COL4A5: variants seen among roughly 807,000 people sequenced by gnomAD.
COL4A5 encodes collagen alpha-5(IV) chain.
A neutral mutation model predicts 130.2 loss-of-function variants in COL4A5; 26 were observed. That is an observed-to-expected ratio of 0.20 (90% CI 0.15 to 0.28). COL4A5 has a LOEUF of 0.28. Among genes scored for constraint, COL4A5 ranks in the 10% least tolerant of loss-of-function variants. COL4A5 has a pLI of 1.00. For synonymous variants in COL4A5, 496 were observed against 439.6 expected, an observed-to-expected ratio of 1.13 and a Z score of -1.60; for missense variants, 1,131 against 1,344.3, an observed-to-expected ratio of 0.84 and a Z score of 2.48.
At chrX:108,533,871 G>T (rs966332588) in intron 1 of COL4A5, among the ~76,000 whole-genome samples, 1 of 110,557 alleles carries the variant, frequency 9.0e-6, no homozygotes, top group Non-Finnish European at 1.9e-5. Flanking sequence ...AATTAATCCC[G>T]TTTAAAGTAA....
chrX:108,629,274 C>T (rs780771869), intron 36 of COL4A5, among the ~76,000 whole-genome samples: 68 of 111,400 alleles, frequency 6.1e-4, no homozygotes, highest in Non-Finnish European at 1.1e-3. Context: ...CTGAGTGAAT[C>T]GGGGAGCAAA....
intron 22 of COL4A5, among the ~76,000 whole-genome samples, chrX:108,596,314 C>CTTGTAATAA (rs2066516330): frequency 8.9e-6 from 1 of 112,112 alleles, no homozygotes; most frequent in Non-Finnish European, 1.9e-5. Flanking sequence ...AGCCTTGTAC[C>CTTGTAATAA]TCTAGTCTCA....
intron 30 of COL4A5, among the ~76,000 whole-genome samples, chrX:108,617,215 AC>A (rs2066945641): frequency 9.0e-6 from 1 of 111,607 alleles, no homozygotes; most frequent in South Asian, 3.7e-4. Flanking sequence ...CATTTAAAAA[AC>A]ATCCTGATTT....
At chrX:108,498,568 TG>T (rs912621975) in intron 1 of COL4A5, among the ~76,000 whole-genome samples, 2 of 111,681 alleles carry the variant, frequency 1.8e-5, no homozygotes, top group African/African-American at 6.5e-5. Flanking sequence ...AGTGAATCTA[TG>T]GGCAAATTTT....
chrX:108,473,633 A>ATATATATATATATATATTTTTT lies in COL4A5; in HGVS notation c.81+33428_81+33429insATATATATATATATATTTTTTT. ...TATATGTATATATATATATATATATATTTTTTTTTTTTTGAGATGAAGTCT... is the reference window on the plus strand; with the variant it reads ...TATATGTATATATATATATATATATATATATATATATATATATTTTTTTTTTTTTTTTTTTGAGATGAAGTCT... On this transcript the variant is annotated intron_variant, in intron 1 of 52. Transcript: ENST00000328300. 1.7e-3 allele frequency among the ~76,000 whole-genome samples: 59 copies of ATATATATATATATATATTTTTT among 34,534 alleles called. 2 individuals carry two copies. The highest frequency in any genetic ancestry group is 2.8e-3 in the Non-Finnish European group (46 of 16,527). The allele number at this position is 34,534 out of a possible 115,157, so 30.0% of individuals were successfully genotyped here.
intron 37 of COL4A5, among the ~76,000 whole-genome samples, chrX:108,659,545 A>T (rs1246111471): frequency 9.1e-6 from 1 of 109,968 alleles, no homozygotes; most frequent in Non-Finnish European, 1.9e-5. Flanking sequence ...CTCTCTGTCA[A>T]TTTTTTGCTG....
chrX:108,648,021 A>G (rs2067640569), intron 36 of COL4A5, among the ~76,000 whole-genome samples: 1 of 111,263 alleles, frequency 9.0e-6, no homozygotes, highest in Non-Finnish European at 1.9e-5. Context: ...ATGTTCATCA[A>G]GGATATTGGT....
intron 26 of COL4A5, 89 bp downstream of exon 26, chrX:108,601,574 T>C: frequency 1.6e-6 from 1 of 625,934 alleles, no homozygotes; most frequent in Non-Finnish European, 2.6e-6. Flanking sequence ...TCACCCATGC[T>C]GGAGTACAGT....
intron 34 of COL4A5, 25 bp downstream of exon 34, chrX:108,624,359 C>A (rs1311218325): frequency 1.4e-5 from 15 of 1,041,609 alleles, no homozygotes; most frequent in African/African-American, 1.8e-5. Flanking sequence ...CCATTTGTAG[C>A]AATTGCTTAG....
chrX:108,578,055 T>A, intron 11 of COL4A5, 23 bp from the exon 12 acceptor site: 3 of 1,208,722 alleles, frequency 2.5e-6, no homozygotes, highest in South Asian at 3.5e-5. Flanking sequence ...GTGAGATTTT[T>A]AAATGGAAAC....
At chrX:108,618,429 A>T (rs1325525984) in intron 30 of COL4A5, among the ~76,000 whole-genome samples, 1 of 111,966 alleles carries the variant, frequency 8.9e-6, no homozygotes, top group Non-Finnish European at 1.9e-5. Context: ...TTTAAATTTG[A>T]ACTAAACTTT....
intron 1 of COL4A5, among the ~76,000 whole-genome samples, chrX:108,531,676 A>G (rs2147635439): frequency 1.8e-5 from 2 of 111,189 alleles, no homozygotes; most frequent in East Asian, 5.7e-4. Context: ...GCTTCTTTGA[A>G]AAGATACACA....
intron 1 of COL4A5, among the ~76,000 whole-genome samples, chrX:108,451,889 C>G (rs1017274758): frequency 2.0e-4 from 22 of 111,731 alleles, no homozygotes; most frequent in Non-Finnish European, 3.6e-4. Flanking sequence ...GTTGCCATTG[C>G]TTTTGGTGTT....
chrX:108,613,295 T>C (rs2066868509), intron 29 of COL4A5, among the ~76,000 whole-genome samples: 2 of 111,824 alleles, frequency 1.8e-5, no homozygotes, highest in Admixed American at 1.9e-4. Flanking sequence ...CCTCTAAAAA[T>C]GTAAAAACCA....
chrX:108,535,035 T>C (rs2065437442), intron 1 of COL4A5, among the ~76,000 whole-genome samples: 1 of 111,150 alleles, frequency 9.0e-6, no homozygotes. Flanking sequence ...TATATATAAT[T>C]TCTTTTTAGC....
chrX:108,546,398 G>A (rs948302793), intron 2 of COL4A5, among the ~76,000 whole-genome samples: 10 of 111,785 alleles, frequency 8.9e-5, no homozygotes, highest in Non-Finnish European at 1.9e-4. Context: ...GAAATTCTGG[G>A]TTGAAAATTC....
At chrX:108,650,670 C>A (rs1215158895) in intron 36 of COL4A5, among the ~76,000 whole-genome samples, 1 of 110,808 alleles carries the variant, frequency 9.0e-6, no homozygotes, top group Non-Finnish European at 1.9e-5. Context: ...AGTGAAGTAA[C>A]TCAGGAATGG....
At chrX:108,507,249 AAAAAAAAAAAAAG>A (rs1159418061) in intron 1 of COL4A5, among the ~76,000 whole-genome samples, 275 of 103,208 alleles carry the variant, frequency 2.7e-3, no homozygotes, top group African/African-American at 9.4e-3. Flanking sequence ...AACAACAACA[AAAAAAAAAAAAAG>A]AAAAAAAAAA....
Position 108,575,921 on chromosome X carries a change from T to G in COL4A5, c.558T>G (p.Gly186=). 2 of 1,186,586 alleles carry G rather than the reference T, an allele frequency of 1.7e-6. No individual in the cohort carries two copies. The highest frequency in any genetic ancestry group is 2.3e-6 in the Non-Finnish European group (2 of 874,739). The part of the protein sequence containing the change: ...PGPPGIQGLP[G]PTGIPGPIGP... Reference sequence around the variant, plus strand: ...TCACTTTATAACAGGGCCTACCTGGTCCCACTGGTATACCAGGGCCAATTG... The same window carrying G: ...TCACTTTATAACAGGGCCTACCTGGGCCCACTGGTATACCAGGGCCAATTG... Residue 186 remains glycine, a synonymous_variant, in exon 10 of 53, where the codon GGT becomes GGG. Coordinates refer to ENST00000328300, the MANE Select transcript of COL4A5 (RefSeq NM_033380.3).
Sources: allele counts gnomAD v4.1 joint callset (sites outside exome capture counted in the v4.1 genomes callset), GRCh38; gene constraint gnomAD v4.1.1; transcripts MANE v1.5; gene names NCBI Gene and HGNC (gene_info 2026-07-23, HGNC 2026-07-21).